CHST11: variants seen among roughly 807,000 people sequenced by gnomAD.
CHST11 encodes carbohydrate sulfotransferase 11, also known as C4S-1.
A neutral mutation model predicts 30.4 loss-of-function variants in CHST11; 9 were observed. That is an observed-to-expected ratio of 0.30 (90% CI 0.18 to 0.52). CHST11 has a LOEUF of 0.52. Among genes scored for constraint, CHST11 ranks in the 20% least tolerant of loss-of-function variants. The pLI, the probability that CHST11 is intolerant of heterozygous loss-of-function variation, is 0.97. For missense variants in CHST11, 348 were observed against 460.6 expected (o/e 0.76, Z 2.24); for synonymous variants, 152 against 187.8 (o/e 0.81, Z 1.56).
intron 2 of CHST11, among the ~76,000 whole-genome samples, chr12:104,650,530 G>A (rs753625197): frequency 3.9e-5 from 6 of 152,262 alleles, no homozygotes; most frequent in Admixed American, 3.3e-4. Context: ...GTCTCTAGAA[G>A]GGTCACCAGA....
intron 1 of CHST11, among the ~76,000 whole-genome samples, chr12:104,475,589 G>T (rs2037548306): frequency 7.0e-6 from 1 of 143,338 alleles, no homozygotes; most frequent in African/African-American, 2.5e-5. Context: ...GGGCAAGGTT[G>T]GTGGCCCCAC....
chr12:104,658,398 T>G (rs897439120), intron 2 of CHST11, among the ~76,000 whole-genome samples: 1 of 152,172 alleles, frequency 6.6e-6, no homozygotes, highest in African/African-American at 2.4e-5. Flanking sequence ...CCCCCTCTTG[T>G]CATGATACCA....
intron 1 of CHST11, among the ~76,000 whole-genome samples, chr12:104,464,813 C>T (rs553458046): frequency 6.6e-6 from 1 of 152,242 alleles, no homozygotes; most frequent in Non-Finnish European, 1.5e-5. Context: ...AGAAAAAGTG[C>T]CAGACTTAAA....
intron 2 of CHST11, among the ~76,000 whole-genome samples, chr12:104,634,916 T>TCAA (rs1223909340): frequency 1.3e-5 from 2 of 152,188 alleles, no homozygotes; most frequent in Non-Finnish European, 2.9e-5. Context: ...CATTCATTCA[T>TCAA]TTGTTGAGTC....
chr12:104,686,824 A>G (rs1229798250), intron 2 of CHST11, among the ~76,000 whole-genome samples: 1 of 151,780 alleles, frequency 6.6e-6, no homozygotes, highest in Non-Finnish European at 1.5e-5. Context: ...ATTTTTTTGT[A>G]TTTAGCAGAA....
chr12:104,641,508 A>C (rs1216527375), intron 2 of CHST11, among the ~76,000 whole-genome samples: 4 of 152,170 alleles, frequency 2.6e-5, no homozygotes, highest in Non-Finnish European at 5.9e-5. Context: ...GGGGTGGAAC[A>C]GTGAGTGAGT....
intron 2 of CHST11, among the ~76,000 whole-genome samples, chr12:104,640,925 A>G (rs193062182): frequency 5.6e-4 from 86 of 152,230 alleles, no homozygotes; most frequent in Non-Finnish European, 4.0e-4. Context: ...TTCCCGCTCA[A>G]ATGTTGCCTG....
intron 2 of CHST11, among the ~76,000 whole-genome samples, chr12:104,673,607 T>G (rs1279298913): frequency 6.6e-6 from 1 of 152,216 alleles, no homozygotes; most frequent in East Asian, 1.9e-4. Flanking sequence ...TCAACCATTC[T>G]TATGGTGATT....
At chr12:104,669,026 C>T (rs2039665974) in intron 2 of CHST11, among the ~76,000 whole-genome samples, 1 of 152,218 alleles carries the variant, frequency 6.6e-6, no homozygotes, top group Non-Finnish European at 1.5e-5. Context: ...ACATTTCTTT[C>T]TCCCCATTTC....
chr12:104,614,763 A>G (rs1441795891), intron 2 of CHST11, among the ~76,000 whole-genome samples: 1 of 151,866 alleles, frequency 6.6e-6, no homozygotes, highest in Admixed American at 6.6e-5. Context: ...AGGGTGGCAC[A>G]CGGAAGAACA....
chr12:104,695,273 G>A (rs924851802), intron 2 of CHST11, among the ~76,000 whole-genome samples: 1 of 152,230 alleles, frequency 6.6e-6, no homozygotes, highest in African/African-American at 2.4e-5. Context: ...TTGTGGGGAG[G>A]GCCTCAGCTC....
chr12:104,619,089 G>T (rs2039135918), intron 2 of CHST11, among the ~76,000 whole-genome samples: 1 of 152,234 alleles, frequency 6.6e-6, no homozygotes, highest in Admixed American at 6.5e-5. Flanking sequence ...ATCCATGACT[G>T]TCCCAGGCAC....
chr12:104,579,987 A>C (rs2136030668), intron 1 of CHST11, among the ~76,000 whole-genome samples: 1 of 152,332 alleles, frequency 6.6e-6, no homozygotes, highest in Non-Finnish European at 1.5e-5. Context: ...TTATAATTGA[A>C]GACTGTGGAC....
chr12:104,495,329 A>T (rs745464577), intron 1 of CHST11, among the ~76,000 whole-genome samples: 1 of 152,120 alleles, frequency 6.6e-6, no homozygotes, highest in Non-Finnish European at 1.5e-5. Flanking sequence ...CTTTTGAAAG[A>T]ATTGAAAGAA....
chr12:104,517,594 G>A (rs1052726542), intron 1 of CHST11, among the ~76,000 whole-genome samples: 1 of 152,128 alleles, frequency 6.6e-6, no homozygotes, highest in Admixed American at 6.5e-5. Flanking sequence ...ACCAGCTCCC[G>A]GGTGATGATG....
At chr12:104,607,092 A>T (rs2039012869) in intron 2 of CHST11, among the ~76,000 whole-genome samples, 1 of 152,046 alleles carries the variant, frequency 6.6e-6, no homozygotes, top group African/African-American at 2.4e-5. Flanking sequence ...ATAAATATAT[A>T]AATAAAAATT....
At chr12:104,701,348 T>A (rs2039989290) in intron 2 of CHST11, among the ~76,000 whole-genome samples, 1 of 152,212 alleles carries the variant, frequency 6.6e-6, no homozygotes, top group Admixed American at 6.5e-5. Flanking sequence ...ACATCTCTTA[T>A]ACTCAATGTT....
At chr12:104,695,574 T>C (rs1251416374) in intron 2 of CHST11, among the ~76,000 whole-genome samples, 1 of 152,166 alleles carries the variant, frequency 6.6e-6, no homozygotes, top group Non-Finnish European at 1.5e-5. Flanking sequence ...AGTTCCCAGC[T>C]GCAAGCGGGG....
chr12:104,608,172 G>A (rs1476902294), intron 2 of CHST11, among the ~76,000 whole-genome samples: 1 of 152,084 alleles, frequency 6.6e-6, no homozygotes, highest in Non-Finnish European at 1.5e-5. Flanking sequence ...GAGTTGAAGG[G>A]TCTTTAAGCA....
Sources: gnomAD v4.1 joint callset for allele counts (sites outside exome capture counted in the v4.1 genomes callset) on GRCh38, gnomAD v4.1.1 for gene constraint, MANE v1.5 for transcripts, NCBI Gene and HGNC (gene_info 2026-07-23, HGNC 2026-07-21) for gene names.